The following TAFA4 variants were observed in gnomAD, a reference collection of about 807,000 sequenced individuals.
TAFA4 encodes the protein chemokine-like protein TAFA-4.
In TAFA4, 20 loss-of-function variants were observed where a neutral mutation model predicts 21.1. The ratio of observed to expected loss-of-function variants is 0.95; its 90% CI spans 0.67 to 1.38. The LOEUF is 1.38. Ranked by LOEUF, TAFA4 falls within the 40% of genes most tolerant of loss-of-function variation. The pLI is 0.00. For missense variants in TAFA4, 211 were observed against 180.9 expected (o/e 1.17, Z -0.95); for synonymous variants, 71 against 67.4 (o/e 1.05, Z -0.26).
intron 4 of TAFA4, among the ~76,000 whole-genome samples, chr3:68,741,829 TCTCTTCCAAAGAATCGAAGAAGAGAGAA>T (rs1462274865): frequency 6.6e-6 from 1 of 151,446 alleles, no homozygotes; most frequent in Non-Finnish European, 1.5e-5. Context: ...CTCTCCACTT[TCTCTTCCAAAGAATCGAAGAAGAGAGAA>T]CACTTCCAAA....
intron 3 of TAFA4, among the ~76,000 whole-genome samples, chr3:68,766,257 C>T (rs2106775035): frequency 6.6e-6 from 1 of 152,120 alleles, no homozygotes; most frequent in East Asian, 1.9e-4. Context: ...AGAATGAATA[C>T]ACTCACCTGC....
chr3:68,911,930 T>G (rs1330862163), intron 1 of TAFA4, among the ~76,000 whole-genome samples: 1 of 152,186 alleles, frequency 6.6e-6, no homozygotes, highest in African/African-American at 2.4e-5. Context: ...ATTTCAATTC[T>G]CCACACCTCA....
At chr3:68,853,510 G>A (rs1457425254) in intron 3 of TAFA4, among the ~76,000 whole-genome samples, 1 of 152,042 alleles carries the variant, frequency 6.6e-6, no homozygotes, top group Non-Finnish European at 1.5e-5. Context: ...GAAGGTCTGG[G>A]AAGAAGGAGA....
intron 3 of TAFA4, among the ~76,000 whole-genome samples, chr3:68,858,552 A>G (rs2106919483): frequency 6.6e-6 from 1 of 150,560 alleles, no homozygotes; most frequent in East Asian, 2.0e-4. Flanking sequence ...ACAGGTTAGC[A>G]TGTACTAGGT....
At chr3:68,791,837 T>A (rs991018441) in intron 3 of TAFA4, among the ~76,000 whole-genome samples, 2 of 152,202 alleles carry the variant, frequency 1.3e-5, no homozygotes, top group African/African-American at 4.8e-5. Flanking sequence ...TATGTGAAAC[T>A]TTTGTTAGAA....
chr3:68,743,913 G>A (rs563057240), intron 4 of TAFA4, among the ~76,000 whole-genome samples: 3 of 152,160 alleles, frequency 2.0e-5, no homozygotes, highest in Non-Finnish European at 2.9e-5. Flanking sequence ...TACTCATAGT[G>A]TTGACCACTC....
At chr3:68,784,248 T>C (rs1478859980) in intron 3 of TAFA4, among the ~76,000 whole-genome samples, 5 of 152,212 alleles carry the variant, frequency 3.3e-5, no homozygotes, top group African/African-American at 1.2e-4. Flanking sequence ...AATGGCTATA[T>C]TGTGAAAATA....
In TAFA4 at chr3:68,837,161, C is replaced by T. The variant is rs560205337; in HGVS notation, c.130+43569G>A. On this transcript the variant is annotated intron_variant, in intron 3 of 5. Coordinates refer to ENST00000295569, the MANE Select transcript of TAFA4 (RefSeq NM_182522.5). ...TGGCCCTCAAAGCCTAACAATTTTACTATGTGACCCCTTGAAGAAATAAAA... is the reference window on the plus strand; with the variant it reads ...TGGCCCTCAAAGCCTAACAATTTTATTATGTGACCCCTTGAAGAAATAAAA... 1.1e-4 allele frequency among the ~76,000 whole-genome samples: 16 copies of T among 152,330 alleles called. No homozygotes were observed. In the East Asian group the frequency reaches 1.5e-3, roughly 15 times the overall value.
intron 1 of TAFA4, among the ~76,000 whole-genome samples, chr3:68,889,871 G>T (rs1435158452): frequency 6.6e-6 from 1 of 152,028 alleles, no homozygotes; most frequent in East Asian, 1.9e-4. Flanking sequence ...TTGGATCTTG[G>T]ACCAGGAAAA....
chr3:68,779,194 C>T (rs1703105143), intron 3 of TAFA4, among the ~76,000 whole-genome samples: 1 of 152,104 alleles, frequency 6.6e-6, no homozygotes, highest in Admixed American at 6.6e-5. Flanking sequence ...GAAGAAATTT[C>T]TAAGAAGCAA....
chr3:68,752,806 T>C, intron 4 of TAFA4, 57 bp downstream of exon 4: 1 of 1,610,508 alleles, frequency 6.2e-7, no homozygotes, highest in Non-Finnish European at 8.5e-7. Flanking sequence ...GTAGGGAAAT[T>C]CCTGGTGGGT....
intron 1 of TAFA4, among the ~76,000 whole-genome samples, chr3:68,920,139 A>G (rs2107021003): frequency 6.6e-6 from 1 of 152,332 alleles, no homozygotes; most frequent in East Asian, 1.9e-4. Flanking sequence ...AAAATACAGT[A>G]CATTCATAGT....
In TAFA4 at chr3:68,897,757, C is replaced by A. The variant is rs144560432; in HGVS notation, c.-122-12447G>T. Among the ~76,000 whole-genome samples the A allele has an allele frequency of 4.4e-3, 666 of 152,240 alleles. 4 individuals carry two copies. Among genetic ancestry groups the A allele is most frequent in the African/African-American group, 0.015 (621 of 41,532 alleles). On this transcript the variant is annotated intron_variant, in intron 1 of 5. Coordinates refer to ENST00000295569, the MANE Select transcript of TAFA4 (RefSeq NM_182522.5). ...TATCAACAAGACACCACACACTAACCGGTCCAAAGTTCAGATTGTCCTAAG... is the reference window on the plus strand; with the variant it reads ...TATCAACAAGACACCACACACTAACAGGTCCAAAGTTCAGATTGTCCTAAG...
chr3:68,884,625 A>G (rs1395800366), intron 2 of TAFA4, among the ~76,000 whole-genome samples: 1 of 152,184 alleles, frequency 6.6e-6, no homozygotes, highest in Non-Finnish European at 1.5e-5. Context: ...CATTCCCAAG[A>G]CATGCAATTT....
intron 4 of TAFA4, 81 bp from the exon 5 acceptor site, chr3:68,739,280 G>T: frequency 2.0e-6 from 3 of 1,488,340 alleles, no homozygotes; most frequent in Non-Finnish European, 1.8e-6. Context: ...ATACAGAGTA[G>T]TACACTGAGT....
chr3:68,854,900 C>T (rs1705031716), intron 3 of TAFA4, among the ~76,000 whole-genome samples: 1 of 152,016 alleles, frequency 6.6e-6, no homozygotes, highest in South Asian at 2.1e-4. Context: ...CACAACTTCC[C>T]AACACAAAGC....
Position 68,732,890 on chromosome 3 carries a change from G to A in TAFA4, c.*252C>T, listed in dbSNP as rs1275160641. The A allele has an allele frequency of 1.6e-5, 8 of 501,298 alleles. No homozygotes were observed. Among genetic ancestry groups the A allele is most frequent in the Non-Finnish European group, 1.1e-5 (3 of 282,024 alleles). 31.1% of individuals were successfully genotyped at this position (501,298 alleles called of 1,614,324 possible). On this transcript the variant is annotated 3_prime_UTR_variant, in exon 6 of 6. Transcript: ENST00000295569. ...TGATTTGCTCTTCTCGGATTTTGGA[G>A]GTATGCTCCTTGGGAATCCAGAGAG...
intron 3 of TAFA4, among the ~76,000 whole-genome samples, chr3:68,866,033 A>C (rs540858639): frequency 6.6e-6 from 1 of 152,262 alleles, no homozygotes; most frequent in Non-Finnish European, 1.5e-5. Flanking sequence ...GTTCAGGGAA[A>C]CTATTCCTGC....
intron 3 of TAFA4, among the ~76,000 whole-genome samples, chr3:68,807,849 T>C (rs1459487404): frequency 6.6e-6 from 1 of 152,040 alleles, no homozygotes; most frequent in Non-Finnish European, 1.5e-5. Flanking sequence ...AGCTGTGTCA[T>C]TCACAAAGAT....
Sources: allele counts gnomAD v4.1 joint callset (sites outside exome capture counted in the v4.1 genomes callset), GRCh38; gene constraint gnomAD v4.1.1; transcripts MANE v1.5; gene names NCBI Gene and HGNC (gene_info 2026-07-23, HGNC 2026-07-21).